Variants in ZNF528 observed in about 807,000 individuals in gnomAD.
ZNF528 encodes the protein zinc finger protein 528.
In ZNF528, 9 loss-of-function variants were observed where a neutral mutation model predicts 13.3. That is an observed-to-expected ratio of 0.67 (90% CI 0.41 to 1.18). The LOEUF (loss-of-function observed/expected upper bound fraction) is 1.18, where lower values mean the gene tolerates loss of function less well. ZNF528 is among the 50% of genes most tolerant of loss of function. ZNF528 has a pLI of 0.01. For missense variants in ZNF528, 858 were observed against 745.4 expected, an observed-to-expected ratio of 1.15 and a Z score of -1.76; for synonymous variants, 264 against 254.3, an observed-to-expected ratio of 1.04 and a Z score of -0.36.
chr19:52,409,331 C>G (rs921258727), intron 6 of ZNF528, among the ~76,000 whole-genome samples: 2 of 148,358 alleles, frequency 1.3e-5, no homozygotes, highest in South Asian at 4.3e-4. Flanking sequence ...CGGAGTTTCA[C>G]TCTTGTTGCC....
At position 52,416,965 on chromosome 19, in the gene ZNF528, C is replaced by T. The variant is rs1024070818; in HGVS notation, c.*226C>T. The T allele has an allele frequency of 8.0e-6, 4 of 499,366 alleles. No homozygotes were observed. Among genetic ancestry groups the T allele is most frequent in the South Asian group, 6.9e-5 (2 of 29,062 alleles). 30.9% of individuals were successfully genotyped at this position (499,366 alleles called of 1,614,324 possible). A position where few individuals can be genotyped will look rare whatever the true frequency, so the allele number is the denominator to read the frequency against. On this transcript the variant is annotated 3_prime_UTR_variant, in exon 7 of 7. Coordinates refer to ENST00000360465, the MANE Select transcript of ZNF528 (RefSeq NM_032423.3). ...ATTCAAGGACCATTGCTATAGAACA[C>T]GATAGGATTTACACAAGAAGTAACT...
intron 6 of ZNF528, among the ~76,000 whole-genome samples, chr19:52,409,377 C>T (rs545425257): frequency 2.0e-4 from 30 of 150,490 alleles, no homozygotes; most frequent in African/African-American, 7.3e-4. Context: ...GATATTGGCT[C>T]ACTGCAGCCT....
intron 2 of ZNF528, among the ~76,000 whole-genome samples, chr19:52,398,855 A>G (rs981254010): frequency 6.6e-6 from 1 of 152,254 alleles, no homozygotes; most frequent in South Asian, 2.1e-4. Context: ...GAGAACAGGG[A>G]GAACCACAGC....
intron 6 of ZNF528, among the ~76,000 whole-genome samples, chr19:52,409,610 G>T (rs1018714554): frequency 1.3e-4 from 20 of 151,772 alleles, no homozygotes; most frequent in East Asian, 1.9e-4. Flanking sequence ...TGGAGATTTG[G>T]GTTTTTTTGT....
rs769149564 is a variant in ZNF528 at position 52,416,692 on chromosome 19, T to G, written c.1840T>G (p.Phe614Val). Reference protein sequence around the residue: ...PYKCTLCSKVFSHNSDLAQHQ... With the variant: ...PYKCTLCSKVVSHNSDLAQHQ... ...CAAATGCACCCTGTGCAGTAAGGTC[T>G]TCAGTCACAATTCTGACCTTGCACA... Residue 614 changes from phenylalanine (F) to valine (V), a missense_variant, in exon 7 of 7, where the codon TTC (phenylalanine) becomes GTC (valine). Transcript: ENST00000360465. 6.2e-7 allele frequency: 1 copy of G among 1,611,414 alleles called. No individual in the cohort carries two copies. Among genetic ancestry groups the G allele is most frequent in the Non-Finnish European group, 8.5e-7 (1 of 1,177,648 alleles).
intron 2 of ZNF528, among the ~76,000 whole-genome samples, chr19:52,398,867 G>C (rs1322981189): frequency 6.6e-6 from 1 of 152,148 alleles, no homozygotes; most frequent in Non-Finnish European, 1.5e-5. Flanking sequence ...AACCACAGCA[G>C]GGGGAGGCCT....
chr19:52,399,924 G>A (rs1244929150), intron 2 of ZNF528, among the ~76,000 whole-genome samples: 1 of 152,150 alleles, frequency 6.6e-6, no homozygotes, highest in Non-Finnish European at 1.5e-5. Flanking sequence ...ATCACTAAAG[G>A]TGAGGGATTC....
At position 52,415,470 on chromosome 19, in the gene ZNF528, C is replaced by T; in HGVS notation, c.618C>T (p.Ile206=). The T allele has an allele frequency of 6.2e-7, 1 of 1,614,192 alleles. No homozygotes were observed. The highest frequency in any genetic ancestry group is 1.1e-5 in the South Asian group (1 of 91,086). The change falls in exon 7 of 7, where the codon ATC becomes ATT. Residue 206 remains isoleucine, a synonymous_variant. Coordinates refer to ENST00000360465, the MANE Select transcript of ZNF528 (RefSeq NM_032423.3). ...CTGCAAGCCTTACTAACCAAGTAAT[C>T]CATAACGCAGATAATCCTTACAAAT... The part of the protein sequence containing the change: ...RASASLTNQV[I]HNADNPYKCS...
intron 4 of ZNF528, among the ~76,000 whole-genome samples, chr19:52,404,877 G>T (rs1193293712): frequency 6.6e-6 from 1 of 151,440 alleles, no homozygotes; most frequent in African/African-American, 2.4e-5. Flanking sequence ...AGGATTACAA[G>T]CATGAGCCAC....
chr19:52,400,227 AACAC>A (rs56136198), intron 2 of ZNF528, among the ~76,000 whole-genome samples: 8,862 of 144,138 alleles, frequency 0.061, 273 homozygotes, highest in Non-Finnish European at 0.075. Context: ...TGCCCATTAA[AACAC>A]ACACACACAC....
At chr19:52,398,791 G>A (rs1009869605) in intron 2 of ZNF528, among the ~76,000 whole-genome samples, 172 bp downstream of exon 2, 1 of 152,152 alleles carries the variant, frequency 6.6e-6, no homozygotes, top group East Asian at 1.9e-4. Flanking sequence ...TTGGAGCCAG[G>A]TCAGACAGAG....
chr19:52,410,470 C>T (rs1218874193), intron 6 of ZNF528, among the ~76,000 whole-genome samples: 3 of 152,204 alleles, frequency 2.0e-5, no homozygotes, highest in Admixed American at 2.0e-4. Flanking sequence ...GAATGATTGC[C>T]TCCAGCAAAC....
intron 6 of ZNF528, among the ~76,000 whole-genome samples, chr19:52,410,160 G>A (rs966702562): frequency 3.9e-5 from 6 of 152,226 alleles, no homozygotes; most frequent in Non-Finnish European, 8.8e-5. Context: ...TCAACCTGTT[G>A]TAAAGGGTGT....
chr19:52,402,834 TTTG>T (rs1803379467), intron 4 of ZNF528, among the ~76,000 whole-genome samples: 1 of 152,310 alleles, frequency 6.6e-6, no homozygotes, highest in African/African-American at 2.4e-5. Context: ...TTAATTAAAT[TTTG>T]TTAATACCTA....
chr19:52,409,731 T>G (rs2058905989), intron 6 of ZNF528, among the ~76,000 whole-genome samples: 2 of 152,108 alleles, frequency 1.3e-5, no homozygotes, highest in Admixed American at 1.3e-4. Flanking sequence ...TTTGTTTTTT[T>G]TGAGATGGAG....
intron 2 of ZNF528, among the ~76,000 whole-genome samples, chr19:52,399,236 C>G (rs1379255721): frequency 2.0e-5 from 3 of 152,116 alleles, no homozygotes; most frequent in Non-Finnish European, 4.4e-5. Flanking sequence ...GAGGGGGACC[C>G]TGGTTACAGA....
Position 52,406,557 on chromosome 19 carries a change from A to G in ZNF528, c.185A>G (p.Gln62Arg), listed in dbSNP as rs773964094. 1.4e-5 allele frequency: 23 copies of G among 1,614,020 alleles called. No individual in the cohort carries two copies. The highest frequency in any genetic ancestry group is 1.6e-4 in the Middle Eastern group (1 of 6,084). The change falls in exon 6 of 7, where the codon CAA becomes CGA. Residue 62 changes from glutamine (Q) to arginine (R), a missense_variant. Transcript: ENST00000360465. ...PDLSVTSMLEQKRDPWTLQSE... is the reference protein window; with the variant it reads ...PDLSVTSMLERKRDPWTLQSE... ...CTGAGTGTTACCTCCATGTTAGAGC[A>G]AAAGAGAGATCCCTGGACTCTGCAG...
chr19:52,416,729 T>A lies in ZNF528; in HGVS notation c.1877T>A (p.Val626Asp). The change falls in exon 7 of 7, where the codon GTT becomes GAT. Residue 626 changes from valine (V) to aspartate (D), a missense_variant. Val to Asp is a radical substitution (Grantham distance 152). Transcript: ENST00000360465. Reference protein sequence around the residue: ...HNSDLAQHQRVHS With the variant: ...HNSDLAQHQRDHS ...TCTGACCTTGCACAGCATCAGAGAGTTCATTCATGAGAGTCCCTACAAACT... is the reference window on the plus strand; with the variant it reads ...TCTGACCTTGCACAGCATCAGAGAGATCATTCATGAGAGTCCCTACAAACT... 6.3e-7 allele frequency: 1 copy of A among 1,579,056 alleles called. No homozygotes were observed. Among genetic ancestry groups the A allele is most frequent in the Non-Finnish European group, 8.6e-7 (1 of 1,161,072 alleles).
chr19:52,416,560 A>G lies in ZNF528; in HGVS notation c.1708A>G (p.Ile570Val), dbSNP rs890977086. 1.1e-5 allele frequency: 17 copies of G among 1,614,190 alleles called. 1 individual carries two copies. Among genetic ancestry groups the G allele is most frequent in the Non-Finnish European group, 1.4e-5 (16 of 1,180,028 alleles). Reference sequence around the variant, plus strand: ...TTCAGGCCTTACTGCCCATCTTGCAATCCATACTGAAAAGAAATCTCATGA... The same window carrying G: ...TTCAGGCCTTACTGCCCATCTTGCAGTCCATACTGAAAAGAAATCTCATGA... ...GCSGLTAHLA[I>V]HTEKKSHECK... is the part of the protein sequence containing the mutation. Residue 570 changes from isoleucine to valine, a missense_variant, in exon 7 of 7, where the codon ATC becomes GTC. By Grantham distance (29) the Ile-to-Val change is conservative (BLOSUM62 3). Transcript: ENST00000360465.
Sources: allele counts gnomAD v4.1 joint callset (sites outside exome capture counted in the v4.1 genomes callset), GRCh38; gene constraint gnomAD v4.1.1; transcripts MANE v1.5; gene names NCBI Gene and HGNC (gene_info 2026-07-23, HGNC 2026-07-21).